WWTR1: variants seen among roughly 807,000 people sequenced by gnomAD.
The protein encoded by WWTR1 is WW domain-containing transcription regulator protein 1.
WWTR1 carries 13 observed loss-of-function variants against 40.1 expected under a neutral mutation model. That is an observed-to-expected ratio of 0.32 (90% confidence interval 0.21 to 0.52). The LOEUF is 0.52. Among genes scored for constraint, WWTR1 ranks in the 20% least tolerant of loss-of-function variants. WWTR1 has a pLI of 0.97. For synonymous variants in WWTR1, 230 were observed against 210.1 expected (o/e 1.09, Z -0.82); for missense variants, 436 against 523.1 (o/e 0.83, Z 1.63).
upstream of WWTR1, among the ~76,000 whole-genome samples, chr3:149,660,659 A>C (rs1050885751): frequency 1.3e-5 from 2 of 152,368 alleles, no homozygotes; most frequent in Admixed American, 6.5e-5. Context: ...TTTCTGGAAC[A>C]AAACAGCTGA....
At position 149,628,737 on chromosome 3, in the gene WWTR1, T is replaced by A. The variant is rs75644640; in HGVS notation, c.431+28139A>T. On this transcript the variant is annotated intron_variant, in intron 2 of 6. Transcript: ENST00000360632. ...GTCTCACAAATGATTCTTTTTATTT[T>A]TTTTATTTTATTTTATTTTATTTTA... Among the ~76,000 whole-genome samples, 1,034 of 144,736 alleles carry A rather than the reference T, an allele frequency of 7.1e-3. 14 individuals are homozygous for A. The highest frequency in any genetic ancestry group is 0.021 in the African/African-American group (800 of 38,552). The allele number at this position is 144,736 out of a possible 152,430, so 95.0% of individuals were successfully genotyped here.
At chr3:149,597,846 T>C (rs554373660) in intron 2 of WWTR1, among the ~76,000 whole-genome samples, 33 of 152,366 alleles carry the variant, frequency 2.2e-4, no homozygotes, top group Admixed American at 5.9e-4. Context: ...TTTGGTTTGC[T>C]TGAATCACAT....
chr3:149,660,641 G>C (rs1158069480), upstream of WWTR1, among the ~76,000 whole-genome samples: 1 of 152,240 alleles, frequency 6.6e-6, no homozygotes, highest in Non-Finnish European at 1.5e-5. Context: ...CAGTGGATAA[G>C]TGTATAATTT....
chr3:149,541,181 C>A, intron 4 of WWTR1: 1 of 338,746 alleles, frequency 3.0e-6, no homozygotes, highest in South Asian at 2.1e-5. Flanking sequence ...AGCTTTTCTC[C>A]CCAAAAATGT....
intron 2 of WWTR1, among the ~76,000 whole-genome samples, chr3:149,613,732 G>A (rs1739841696): frequency 6.6e-6 from 1 of 151,960 alleles, no homozygotes. Context: ...ATTTTTTGTA[G>A]AAATGAGGTC....
intron 3 of WWTR1, among the ~76,000 whole-genome samples, chr3:149,547,377 T>G (rs1438590055): frequency 3.3e-5 from 5 of 151,684 alleles, no homozygotes; most frequent in South Asian, 2.1e-4. Flanking sequence ...ATACAAAAAA[T>G]TATCTGGGCT....
intron 1 of WWTR1, among the ~76,000 whole-genome samples, chr3:149,698,004 G>A (rs1715046326): frequency 6.6e-6 from 1 of 152,216 alleles, no homozygotes; most frequent in Non-Finnish European, 1.5e-5. Flanking sequence ...GGCTTCCAAG[G>A]CCTTGAGCAG....
chr3:149,527,733 C>T (rs1356933834), intron 5 of WWTR1, 103 bp downstream of exon 5: 5 of 1,529,406 alleles, frequency 3.3e-6, no homozygotes, highest in African/African-American at 2.8e-5. Context: ...CACCCTCAAC[C>T]CTCAAGCTCC....
intron 6 of WWTR1, chr3:149,525,590 A>G (rs1243954692): frequency 1.3e-5 from 2 of 152,280 alleles, no homozygotes; most frequent in East Asian, 3.8e-4. Context: ...GTTGTCGTTG[A>G]GATTGAGTGT....
chr3:149,618,245 A>G (rs1256894449), intron 2 of WWTR1, among the ~76,000 whole-genome samples: 6 of 152,156 alleles, frequency 3.9e-5, no homozygotes, highest in African/African-American at 1.2e-4. Context: ...TTGAGCCAAC[A>G]AGCTGCCTGC....
intron 4 of WWTR1, among the ~76,000 whole-genome samples, chr3:149,541,932 C>A (rs991955658): frequency 1.3e-5 from 2 of 152,168 alleles, no homozygotes; most frequent in African/African-American, 4.8e-5. Flanking sequence ...CCATGTAGAG[C>A]AGAAGAATAT....
At chr3:149,534,591 C>T (rs1007644668) in intron 4 of WWTR1, among the ~76,000 whole-genome samples, 11 of 152,150 alleles carry the variant, frequency 7.2e-5, no homozygotes, top group Non-Finnish European at 1.2e-4. Context: ...AGCTCATGTC[C>T]TAGGAATTCA....
chr3:149,522,634 C>T (rs762580528), intron 6 of WWTR1, among the ~76,000 whole-genome samples: 1 of 152,092 alleles, frequency 6.6e-6, no homozygotes, highest in Non-Finnish European at 1.5e-5. Flanking sequence ...GTGCTGGATG[C>T]CTTTTTTTCT....
chr3:149,533,178 CA>C (rs1735671559), intron 4 of WWTR1, among the ~76,000 whole-genome samples: 1 of 152,190 alleles, frequency 6.6e-6, no homozygotes. Flanking sequence ...AGACCAAGCT[CA>C]AAACCTGCTT....
chr3:149,718,389 C>A (rs1017519504), intron 4 of WWTR1, among the ~76,000 whole-genome samples: 1 of 152,230 alleles, frequency 6.6e-6, no homozygotes, highest in Non-Finnish European at 1.5e-5. Flanking sequence ...TCTCTGTTCA[C>A]ACAGGCTCAA....
chr3:149,671,567 T>C (rs937166794), intron 1 of WWTR1, among the ~76,000 whole-genome samples: 1 of 152,166 alleles, frequency 6.6e-6, no homozygotes, highest in African/African-American at 2.4e-5. Context: ...ATTGCAAAGG[T>C]TGTAATTTTC....
At chr3:149,552,873 T>A (rs893012246) in intron 3 of WWTR1, among the ~76,000 whole-genome samples, 5 of 152,216 alleles carry the variant, frequency 3.3e-5, no homozygotes, top group African/African-American at 1.2e-4. Flanking sequence ...CTGAGGAAAT[T>A]AGCACTTAAA....
intron 2 of WWTR1, among the ~76,000 whole-genome samples, chr3:149,666,319 A>C (rs1272851021): frequency 6.6e-6 from 1 of 152,174 alleles, no homozygotes; most frequent in Non-Finnish European, 1.5e-5. Context: ...TCCAAACCAA[A>C]ACAAGGTGGA....
At chr3:149,708,415 T>C (rs1354334526) in intron 5 of WWTR1, among the ~76,000 whole-genome samples, 1 of 152,206 alleles carries the variant, frequency 6.6e-6, no homozygotes, top group Non-Finnish European at 1.5e-5. Flanking sequence ...TCTTCAGATC[T>C]CTTTTCATCT....
Sources: allele counts gnomAD v4.1 joint callset (sites outside exome capture counted in the v4.1 genomes callset), GRCh38; gene constraint gnomAD v4.1.1; transcripts MANE v1.5; gene names NCBI Gene and HGNC (gene_info 2026-07-23, HGNC 2026-07-21).